Variants in CCZ1 observed in about 807,000 individuals in gnomAD.
CCZ1 encodes vacuolar fusion protein CCZ1 homolog.
In CCZ1, 19 loss-of-function variants were observed where a neutral mutation model predicts 57.8. That is an observed-to-expected ratio of 0.33 (90% CI 0.23 to 0.48). CCZ1 has a LOEUF of 0.48. Ranked by LOEUF, CCZ1 falls within the 20% of genes least tolerant of loss-of-function variation. The pLI is 0.99. For synonymous variants in CCZ1, 81 were observed against 167.0 expected, an observed-to-expected ratio of 0.49 and a Z score of 3.97; for missense variants, 200 against 492.0, an observed-to-expected ratio of 0.41 and a Z score of 5.61.
At chr7:5,899,334 G>GTGTGTGTGT (rs1562536429) in intron 1 of CCZ1, among the ~76,000 whole-genome samples, 16 of 12,548 alleles carry the variant, frequency 1.3e-3, no homozygotes, top group African/African-American at 2.0e-3. Context: ...TCGGGAGGGG[G>GTGTGTGTGT]GTGTGTGTGT....
chr7:5,904,129 G>A (rs1269935462), intron 6 of CCZ1, among the ~76,000 whole-genome samples: 1 of 79,274 alleles, frequency 1.3e-5, no homozygotes, highest in Non-Finnish European at 2.3e-5. Context: ...TCTTACTCTT[G>A]TCACCCAGGC....
rs1236649392 is a variant in CCZ1 at position 5,911,919 on chromosome 7, G to A, written c.839G>A (p.Gly280Glu). 15 of 1,581,956 alleles carry A rather than the reference G, an allele frequency of 9.5e-6. No individual in the cohort carries two copies. In the East Asian group the frequency reaches 3.3e-4, roughly 34 times the overall value. ...ATGCCAGGAAATCTTCAACACTATG[G>A]AAGGTAGGACTTCTGTTCTTTGATT... ...AEMPGNLQHY[G>E]RFLTGPLNLN... is the part of the protein sequence containing the mutation. Residue 280 changes from glycine (G) to glutamate (E), a missense_variant, in exon 9 of 15, where the codon GGA (glycine) becomes GAA (glutamate). By Grantham distance (98) the Gly-to-Glu change is moderately conservative. Coordinates refer to ENST00000325974, the MANE Select transcript of CCZ1 (RefSeq NM_015622.6).
At chr7:5,899,116 C>T (rs566793101) in intron 1 of CCZ1, among the ~76,000 whole-genome samples, 197 bp downstream of exon 1, 3,305 of 78,180 alleles carry the variant, frequency 0.042, 9 homozygotes, top group African/African-American at 0.072. Context: ...AAAGCCCCGT[C>T]GGGTCTATAT....
At chr7:5,914,498 A>G (rs1208518950) in intron 10 of CCZ1, among the ~76,000 whole-genome samples, 2 of 148,926 alleles carry the variant, frequency 1.3e-5, no homozygotes, top group Admixed American at 6.6e-5. Flanking sequence ...ACAGTGGAAG[A>G]GAGACTTTCA....
Position 5,904,327 on chromosome 7 carries a change from G to A in CCZ1, c.523-767G>A, listed in dbSNP as rs1181805861. On this transcript the variant is annotated intron_variant, in intron 6 of 14. Transcript: ENST00000325974. ...TCTCAAACTCCTGACCTCAAGTGAT[G>A]TGCCCGCCTTGGCCTCCCAAAGGGC... Among the ~76,000 whole-genome samples, 2 of 142,990 alleles carry A rather than the reference G, an allele frequency of 1.4e-5. 1 individual carries two copies. The highest frequency in any genetic ancestry group is 5.4e-5 in the African/African-American group (2 of 37,372). The allele number at this position is 142,990 out of a possible 152,430, so 93.8% of individuals were successfully genotyped here.
chr7:5,907,629 G>A (rs553596988), intron 7 of CCZ1, among the ~76,000 whole-genome samples: 1 of 145,958 alleles, frequency 6.9e-6, no homozygotes, highest in South Asian at 2.3e-4. Context: ...TTGAAGCCTG[G>A]AGTCACAGGA....
At chr7:5,906,211 A>C (rs2128611512) in intron 7 of CCZ1, among the ~76,000 whole-genome samples, 1 of 147,868 alleles carries the variant, frequency 6.8e-6, no homozygotes. Flanking sequence ...GTGGCAACCG[A>C]GGTTGTGCAC....
At chr7:5,905,358 G>A (rs1352704037) in intron 7 of CCZ1, 89 bp downstream of exon 7, 2 of 726,010 alleles carry the variant, frequency 2.8e-6, no homozygotes, top group Non-Finnish European at 4.3e-6. Context: ...TGTCAAACAG[G>A]AACTTGCAGC....
chr7:5,901,639 G>A lies in CCZ1; in HGVS notation c.391-18G>A, dbSNP rs376158625. The stretch of plus-strand genomic sequence containing the variant: ...TTTCCCTTGAACTGAGCTGTGTGCT[G>A]TGTTTTCGCGTCTGCAGGACAAGGT... On this transcript the variant is annotated intron_variant, in intron 4 of 14. Transcript: ENST00000325974. The A allele has an allele frequency of 9.0e-5, 143 of 1,593,132 alleles. 6 individuals are homozygous for A. The highest frequency in any genetic ancestry group is 1.1e-4 in the Non-Finnish European group (131 of 1,173,130).
intron 6 of CCZ1, among the ~76,000 whole-genome samples, chr7:5,903,335 T>G (rs1348653944): frequency 7.0e-6 from 1 of 143,126 alleles, no homozygotes; most frequent in Non-Finnish European, 1.5e-5. Flanking sequence ...TCTTGGTTGT[T>G]TTGCCCAGGC....
chr7:5,914,613 T>C (rs2528335), intron 10 of CCZ1, among the ~76,000 whole-genome samples: 5 of 148,734 alleles, frequency 3.4e-5, no homozygotes, highest in African/African-American at 5.0e-5. Context: ...TGGTGGCTCA[T>C]GCCTATATCC....
intron 1 of CCZ1, among the ~76,000 whole-genome samples, 174 bp downstream of exon 1, chr7:5,899,093 A>T (rs1200920984): frequency 1.1e-4 from 8 of 74,186 alleles, no homozygotes; most frequent in African/African-American, 3.8e-4. Context: ...TTCAGGTCCT[A>T]GGTCGATGGA....
chr7:5,904,003 A>C (rs937512034), intron 6 of CCZ1, among the ~76,000 whole-genome samples: 1 of 140,698 alleles, frequency 7.1e-6, no homozygotes, highest in Non-Finnish European at 1.5e-5. Flanking sequence ...CGGGGGGGGA[A>C]ATAAAGATGG....
At chr7:5,906,414 C>T (rs1781825183) in intron 7 of CCZ1, among the ~76,000 whole-genome samples, 1 of 146,946 alleles carries the variant, frequency 6.8e-6, no homozygotes, top group East Asian at 2.3e-4. Context: ...CTTCCCCTTC[C>T]TGGGTTCAAG....
intron 7 of CCZ1, among the ~76,000 whole-genome samples, 187 bp downstream of exon 7, chr7:5,905,456 A>T (rs145422844): frequency 0.031 from 4,515 of 144,726 alleles, 236 homozygotes; most frequent in Non-Finnish European, 0.045. Flanking sequence ...TTTGGGTTCA[A>T]ATTTCCAAGC....
chr7:5,909,407 T>TC (rs1210330309), intron 7 of CCZ1, among the ~76,000 whole-genome samples: 1 of 145,946 alleles, frequency 6.9e-6, no homozygotes, highest in African/African-American at 2.6e-5. Flanking sequence ...TCTTGAAAAA[T>TC]GAAAAAAGAT....
intron 7 of CCZ1, among the ~76,000 whole-genome samples, chr7:5,907,538 AG>A (rs1175515136): frequency 1.4e-5 from 2 of 146,898 alleles, no homozygotes; most frequent in Non-Finnish European, 3.0e-5. Context: ...AGTGAGGAAG[AG>A]GGAAGGCTTA....
chr7:5,899,334 G>GGGTGTGTGGGTGTGTGT (rs1781626415), intron 1 of CCZ1, among the ~76,000 whole-genome samples: 11 of 12,554 alleles, frequency 8.8e-4, no homozygotes, highest in African/African-American at 3.1e-3. Context: ...TCGGGAGGGG[G>GGGTGTGTGGGTGTGTGT]GTGTGTGTGT....
Position 5,899,330 on chromosome 7 carries a change from GGGGGGTGTGTGTGTGT to G in CCZ1, c.120+413_120+428del, listed in dbSNP as rs1250759998. 2.2e-3 allele frequency among the ~76,000 whole-genome samples: 106 copies of G among 47,982 alleles called. No homozygotes were observed. In the Middle Eastern group the frequency reaches 0.027, roughly 12 times the overall value. 31.5% of individuals were successfully genotyped at this position (47,982 alleles called of 152,430 possible). ...ATGAGGAAATAAATTAATTTCGGGA[GGGGGGTGTGTGTGTGT>G]GTGTGTGTGTGTGTGTGTGTGTGTG... On this transcript the variant is annotated intron_variant, in intron 1 of 14. Coordinates refer to ENST00000325974, the MANE Select transcript of CCZ1 (RefSeq NM_015622.6).
Sources: allele counts gnomAD v4.1 joint callset (sites outside exome capture counted in the v4.1 genomes callset), GRCh38; gene constraint gnomAD v4.1.1; transcripts MANE v1.5; gene names NCBI Gene and HGNC (gene_info 2026-07-23, HGNC 2026-07-21).